Variants in MCHR1 observed in about 807,000 individuals in gnomAD.
MCHR1 encodes the protein melanin-concentrating hormone receptor 1.
A neutral mutation model predicts 20.4 loss-of-function variants in MCHR1; 13 were observed. The ratio of observed to expected loss-of-function variants is 0.64; its 90% CI spans 0.41 to 1.01. MCHR1 has a LOEUF of 1.01. Among genes scored for constraint, MCHR1 ranks in the 50% least tolerant of loss-of-function variants. MCHR1 has a pLI of 0.00. For synonymous variants in MCHR1, 215 were observed against 204.4 expected, an observed-to-expected ratio of 1.05 and a Z score of -0.44; for missense variants, 472 against 477.0, an observed-to-expected ratio of 0.99 and a Z score of 0.10.
rs201703342 is a variant in MCHR1 at position 40,681,056 on chromosome 22, G to A, written c.190G>A (p.Ala64Thr). 18 of 1,613,916 alleles carry A rather than the reference G, an allele frequency of 1.1e-5. No homozygotes were observed. The highest frequency in any genetic ancestry group is 5.3e-5 in the African/African-American group (4 of 74,858). The change falls in exon 2 of 2, where the codon GCG becomes ACG. Residue 64 changes from alanine to threonine, a missense_variant. By Grantham distance (58) the Ala-to-Thr change is moderately conservative. Transcript: ENST00000249016. The surrounding 1 kb of genome is among the most constrained non-coding windows in gnomAD (Gnocchi z 4.3). ...CATCGGGAACTCCACGGTCATCTTC[G>A]CGGTCGTGAAGAAGTCCAAGCTGCA... Reference protein sequence around the residue: ...GIIGNSTVIFAVVKKSKLHWC... With the variant: ...GIIGNSTVIFTVVKKSKLHWC...
At chr22:40,679,767 C>A in intron 1 of MCHR1, 33 bp downstream of exon 1, 1 of 1,612,698 alleles carries the variant, frequency 6.2e-7, no homozygotes, top group Non-Finnish European at 8.5e-7. Flanking sequence ...CTCCTCTGGG[C>A]TGTGGGTGGA....
Position 40,679,670 on chromosome 22 carries a change from G to A in MCHR1, c.18G>A (p.Ser6=), listed in dbSNP as rs141829485. ...CTGGCTGGATGGACCTGGAAGCCTC[G>A]CTGCTGCCCACTGGTCCCAACGCCA... The part of the protein sequence containing the change: MDLEA[S]LLPTGPNASN... Residue 6 remains serine (S), a synonymous_variant, in exon 1 of 2, where the codon TCG becomes TCA. Coordinates refer to ENST00000249016, the MANE Select transcript of MCHR1 (RefSeq NM_005297.4). 21 of 1,613,998 alleles carry A rather than the reference G, an allele frequency of 1.3e-5. No individual in the cohort carries two copies. Among genetic ancestry groups the A allele is most frequent in the African/African-American group, 9.3e-5 (7 of 74,928 alleles).
chr22:40,680,875 G>C, intron 1 of MCHR1, 74 bp from the exon 2 acceptor site: 1 of 1,596,478 alleles, frequency 6.3e-7, no homozygotes, highest in Non-Finnish European at 8.5e-7. Context: ...TGGAGGCTGA[G>C]CATGCCAGCA....
rs754453025 is a variant in MCHR1, at chr22:40,680,997, C to T, written c.131C>T (p.Pro44Leu). Reference sequence around the variant, plus strand: ...ATCTCCTACATCAACATCATCATGCCTTCGGTGTTCGGCACCATCTGCCTC... The same window carrying T: ...ATCTCCTACATCAACATCATCATGCTTTCGGTGTTCGGCACCATCTGCCTC... ...GSISYINIIM[P>L]SVFGTICLLG... The change falls in exon 2 of 2, where the codon CCT becomes CTT. Residue 44 changes from proline (P) to leucine (L), a missense_variant. Pro to Leu is a moderately conservative substitution (Grantham distance 98). Coordinates refer to ENST00000249016, the MANE Select transcript of MCHR1 (RefSeq NM_005297.4). 6 of 1,614,166 alleles carry T rather than the reference C, an allele frequency of 3.7e-6. No individual in the cohort carries two copies. Among genetic ancestry groups the T allele is most frequent in the Middle Eastern group, 1.6e-4 (1 of 6,062 alleles).
In MCHR1 at chr22:40,680,722, G is replaced by T. The variant is rs773859954; in HGVS notation, c.83-227G>T. The T allele has an allele frequency of 7.1e-6, 7 of 984,044 alleles. No homozygotes were observed. The East Asian group carries it at 7.9e-4, about 112-fold the overall frequency. The allele number at this position is 984,044 out of a possible 1,614,324, so 61.0% of individuals were successfully genotyped here. On this transcript the variant is annotated intron_variant, in intron 1 of 1. Coordinates refer to ENST00000249016, the MANE Select transcript of MCHR1 (RefSeq NM_005297.4). ...TCTGGTGCCTGCAGGAGGCAGGCAT[G>T]TTGTGTCCTTCCAAGACAGATGGCT...
In MCHR1 at chr22:40,681,915, G is replaced by A. The variant is rs1223956384; in HGVS notation, c.1049G>A (p.Ser350Asn). The stretch of plus-strand genomic sequence containing the variant: ...ACGGCTGACGAGGAGAGGACAGAAA[G>A]CAAAGGCACCTGATACTTCCCCTGC... ...AQTADEERTESKGT is the reference protein window; with the variant it reads ...AQTADEERTENKGT Residue 350 changes from serine to asparagine, a missense_variant, in exon 2 of 2, where the codon AGC becomes AAC. By Grantham distance (46) the Ser-to-Asn change is conservative (BLOSUM62 1). Coordinates refer to ENST00000249016, the MANE Select transcript of MCHR1 (RefSeq NM_005297.4). This position sits in a 1 kb window ranked among gnomAD's most constrained non-coding sequence, Gnocchi z 4.3. 6.2e-7 allele frequency: 1 copy of A among 1,607,858 alleles called. No homozygotes were observed. Among genetic ancestry groups the A allele is most frequent in the East Asian group, 2.2e-5 (1 of 44,902 alleles).
At position 40,682,031 on chromosome 22, in the gene MCHR1, G is replaced by A. The variant is rs2056884576; in HGVS notation, c.*103G>A. Reference sequence around the variant, plus strand: ...AAGACCGCTCGGGAAATGCAGGAAGGCCGGGTTGTGAGGGGTTGTTGCAAT... The same window carrying A: ...AAGACCGCTCGGGAAATGCAGGAAGACCGGGTTGTGAGGGGTTGTTGCAAT... On this transcript the variant is annotated 3_prime_UTR_variant, in exon 2 of 2. Transcript: ENST00000249016. The A allele has an allele frequency of 1.4e-6, 2 of 1,476,040 alleles. No homozygotes were observed. The highest frequency in any genetic ancestry group is 9.2e-7 in the Non-Finnish European group (1 of 1,081,530). The allele number at this position is 1,476,040 out of a possible 1,614,324, so 91.4% of individuals were successfully genotyped here.
Position 40,681,477 on chromosome 22 carries a change from A to G in MCHR1, c.611A>G (p.Asp204Gly). The change falls in exon 2 of 2, where the codon GAC becomes GGC. Residue 204 changes from aspartate to glycine, a missense_variant. By Grantham distance (94) the Asp-to-Gly change is moderately conservative. Coordinates refer to ENST00000249016, the MANE Select transcript of MCHR1 (RefSeq NM_005297.4). This position sits in a 1 kb window ranked among gnomAD's most constrained non-coding sequence, Gnocchi z 4.3. The stretch of plus-strand genomic sequence containing the variant: ...ATACGCCTGCCCAACCCAGACACTG[A>G]CCTCTACTGGTTCACCCTGTACCAG... ...CGIRLPNPDT[D>G]LYWFTLYQFF... The G allele has an allele frequency of 6.2e-7, 1 of 1,612,768 alleles. No homozygotes were observed. The highest frequency in any genetic ancestry group is 8.5e-7 in the Non-Finnish European group (1 of 1,180,002).
chr22:40,679,590 C>A lies in MCHR1; in HGVS notation c.-63C>A. On this transcript the variant is annotated 5_prime_UTR_variant, in exon 1 of 2. Transcript: ENST00000249016. ...AGGTGGCAGGCGCTGGAGGCTGCCGCAGCCTGCGTGGGTGGAGGGGAGCTC... is the reference window on the plus strand; with the variant it reads ...AGGTGGCAGGCGCTGGAGGCTGCCGAAGCCTGCGTGGGTGGAGGGGAGCTC... 1 of 1,613,842 alleles carries A rather than the reference C, an allele frequency of 6.2e-7. No homozygotes were observed. Among genetic ancestry groups the A allele is most frequent in the African/African-American group, 1.3e-5 (1 of 75,040 alleles).
At chr22:40,680,266 A>AG (rs1450581937) in intron 1 of MCHR1, 1 of 190,154 alleles carries the variant, frequency 5.3e-6, no homozygotes, top group Non-Finnish European at 1.1e-5. Context: ...CTGGGATTCC[A>AG]GCTTTGAAGG....
chr22:40,681,671 TG>T lies in MCHR1; in HGVS notation c.808del (p.Ala270HisfsTer8). On this transcript the variant is annotated frameshift_variant, in exon 2 of 2. Transcript: ENST00000249016. LOFTEE classifies it high-confidence loss of function. The surrounding 1 kb of genome is among the most constrained non-coding windows in gnomAD (Gnocchi z 4.3). ...IAICLVFFVC[W>X]APYYVLQLTQ... is the part of the protein sequence containing the mutation. ...CATCTGTCTGGTCTTCTTTGTGTGC[TG>T]GGCACCCTACTATGTGCTACAGCTG... 1 of 1,614,274 alleles carries T rather than the reference TG, an allele frequency of 6.2e-7. No homozygotes were observed. The highest frequency in any genetic ancestry group is 8.5e-7 in the Non-Finnish European group (1 of 1,180,050).
rs150436727 is a variant in MCHR1, at chr22:40,681,449, G to A, written c.583G>A (p.Gly195Ser). 164 of 1,613,508 alleles carry A rather than the reference G, an allele frequency of 1.0e-4. No homozygotes were observed. In the African/African-American group the frequency reaches 1.2e-3, roughly 12 times the overall value. Residue 195 changes from glycine (G) to serine (S), a missense_variant, in exon 2 of 2, where the codon GGC becomes AGC. Coordinates refer to ENST00000249016, the MANE Select transcript of MCHR1 (RefSeq NM_005297.4). This position sits in a 1 kb window ranked among gnomAD's most constrained non-coding sequence, Gnocchi z 4.3. ...IPFPGGAVGC[G>S]IRLPNPDTDL... ...CTTCCCAGGAGGTGCAGTGGGCTGCGGCATACGCCTGCCCAACCCAGACAC... is the reference window on the plus strand; with the variant it reads ...CTTCCCAGGAGGTGCAGTGGGCTGCAGCATACGCCTGCCCAACCCAGACAC...
At position 40,681,558 on chromosome 22, in the gene MCHR1, T is replaced by A. The variant is rs781500045; in HGVS notation, c.692T>A (p.Ile231Asn). 4.3e-6 allele frequency: 7 copies of A among 1,613,400 alleles called. No individual in the cohort carries two copies. Among genetic ancestry groups the A allele is most frequent in the Non-Finnish European group, 5.9e-6 (7 of 1,180,042 alleles). Residue 231 changes from isoleucine (I) to asparagine (N), a missense_variant, in exon 2 of 2, where the codon ATC (isoleucine) becomes AAC (asparagine). Ile to Asn is a moderately radical substitution (Grantham distance 149, BLOSUM62 -3). Transcript: ENST00000249016. This position sits in a 1 kb window ranked among gnomAD's most constrained non-coding sequence, Gnocchi z 4.3. ...FVVITAAYVR[I>N]LQRMTSSVAP... ...GTCATCACAGCCGCATACGTGAGGA[T>A]CCTGCAGCGCATGACGTCCTCAGTG...
rs133072 is a variant in MCHR1 at position 40,679,539 on chromosome 22, A to G, written c.-114A>G. 0.63 allele frequency: 1,015,856 copies of G among 1,613,584 alleles called. 326,880 individuals are homozygous for G. The highest frequency in any genetic ancestry group is 0.99 in the East Asian group (44,350 of 44,864). On this transcript the variant is annotated 5_prime_UTR_variant, in exon 1 of 2. Transcript: ENST00000249016. Reference sequence around the variant, plus strand: ...GGCTACGGAGGAAGACCCCCTTCCCAACTGCGGGGCTTGCGCTCCGGGACA... The same window carrying G: ...GGCTACGGAGGAAGACCCCCTTCCCGACTGCGGGGCTTGCGCTCCGGGACA...
chr22:40,681,752 G>A lies in MCHR1; in HGVS notation c.886G>A (p.Ala296Thr). Residue 296 changes from alanine (A) to threonine (T), a missense_variant, in exon 2 of 2, where the codon GCC (alanine) becomes ACC (threonine). Coordinates refer to ENST00000249016, the MANE Select transcript of MCHR1 (RefSeq NM_005297.4). This position sits in a 1 kb window ranked among gnomAD's most constrained non-coding sequence, Gnocchi z 4.3. ...CACCTTTGTCTACTTATACAATGCG[G>A]CCATCAGCTTGGGCTATGCCAACAG... ...TLTFVYLYNA[A>T]ISLGYANSCL... 1 of 1,614,258 alleles carries A rather than the reference G, an allele frequency of 6.2e-7. No individual in the cohort carries two copies. The highest frequency in any genetic ancestry group is 8.5e-7 in the Non-Finnish European group (1 of 1,180,058).
Position 40,679,840 on chromosome 22 carries a change from C to T in MCHR1, c.82+106C>T. On this transcript the variant is annotated intron_variant, in intron 1 of 1. Transcript: ENST00000249016. ...GAAACTTTATCACAGTTCTTGGGGACAAGATCTGTGGTCTGCTTTGCTCTG... is the reference window on the plus strand; with the variant it reads ...GAAACTTTATCACAGTTCTTGGGGATAAGATCTGTGGTCTGCTTTGCTCTG... The T allele has an allele frequency of 3.1e-6, 4 of 1,306,642 alleles. No homozygotes were observed. In the South Asian group the frequency reaches 3.6e-5, roughly 12 times the overall value. 80.9% of individuals were successfully genotyped at this position (1,306,642 alleles called of 1,614,324 possible). A position where few individuals can be genotyped will look rare whatever the true frequency, so the allele number is the denominator to read the frequency against.
rs949479774 is a variant in MCHR1 at position 40,682,361 on chromosome 22, G to T, written c.*433G>T. The stretch of plus-strand genomic sequence containing the variant: ...CTGAGAGACGGGAAAGGGCCCGATC[G>T]CTCTTTCCCGCCTCTCACTGGTGCG... On this transcript the variant is annotated 3_prime_UTR_variant, in exon 2 of 2. Coordinates refer to ENST00000249016, the MANE Select transcript of MCHR1 (RefSeq NM_005297.4). 1.0e-5 allele frequency: 2 copies of T among 194,156 alleles called. No individual in the cohort carries two copies. The highest frequency in any genetic ancestry group is 4.6e-5 in the African/African-American group (2 of 43,468). The allele number at this position is 194,156 out of a possible 1,614,324, so 12.0% of individuals were successfully genotyped here.
Position 40,682,646 on chromosome 22 carries a change from G to A in MCHR1, c.*718G>A, listed in dbSNP as rs191542462. 1.9e-4 allele frequency: 29 copies of A among 154,860 alleles called. No individual in the cohort carries two copies. In the East Asian group the frequency reaches 5.2e-3, roughly 28 times the overall value. The allele number at this position is 154,860 out of a possible 1,614,324, so 9.6% of individuals were successfully genotyped here. ...GGGTCGGGGGGCTTTTGCAGCTCTGGTGACATTCTCTCCACGGGGCACATT... is the reference window on the plus strand; with the variant it reads ...GGGTCGGGGGGCTTTTGCAGCTCTGATGACATTCTCTCCACGGGGCACATT... On this transcript the variant is annotated 3_prime_UTR_variant, in exon 2 of 2. Coordinates refer to ENST00000249016, the MANE Select transcript of MCHR1 (RefSeq NM_005297.4).
intron 1 of MCHR1, among the ~76,000 whole-genome samples, chr22:40,679,936 T>C (rs1278958117): frequency 6.6e-6 from 1 of 151,724 alleles, no homozygotes; most frequent in Non-Finnish European, 1.5e-5. Context: ...GGCGAAGGCA[T>C]ATTCAGAATG....
Sources: gnomAD v4.1 joint callset for allele counts (sites outside exome capture counted in the v4.1 genomes callset) on GRCh38, gnomAD v4.1.1 for gene constraint, Gnocchi (gnomAD v3.1) non-coding constraint, MANE v1.5 for transcripts, NCBI Gene and HGNC (gene_info 2026-07-23, HGNC 2026-07-21) for gene names.